MACROD2: variants seen among roughly 807,000 people sequenced by gnomAD.
MACROD2 encodes the protein ADP-ribose glycohydrolase MACROD2.
MACROD2 carries 36 observed loss-of-function variants against 70.4 expected under a neutral mutation model. That is an observed-to-expected ratio of 0.51 (90% CI 0.39 to 0.68). The LOEUF (loss-of-function observed/expected upper bound fraction) is 0.68, where lower values mean the gene tolerates loss of function less well. MACROD2 is among the 30% of genes least tolerant of loss of function. MACROD2 has a pLI of 0.00. For missense variants in MACROD2, 496 were observed against 538.4 expected (o/e 0.92, Z 0.78); for synonymous variants, 172 against 178.8 (o/e 0.96, Z 0.30).
chr20:15,076,788 A>C (rs2075661428), intron 5 of MACROD2, among the ~76,000 whole-genome samples: 1 of 152,078 alleles, frequency 6.6e-6, no homozygotes, highest in Admixed American at 6.6e-5. Context: ...ATATCCATAC[A>C]GGTTTAGGAT....
chr20:15,151,530 T>C (rs1307431713), intron 5 of MACROD2, among the ~76,000 whole-genome samples: 1 of 152,094 alleles, frequency 6.6e-6, no homozygotes, highest in Non-Finnish European at 1.5e-5. Flanking sequence ...TTTGGAGTTT[T>C]ATTTAATGTC....
chr20:14,065,495 G>C (rs2053744921), intron 2 of MACROD2, among the ~76,000 whole-genome samples: 1 of 152,164 alleles, frequency 6.6e-6, no homozygotes, highest in Non-Finnish European at 1.5e-5. Context: ...ATAGGGTATT[G>C]TGCTGGCTGG....
chr20:14,396,347 A>T (rs1203763263), intron 3 of MACROD2, among the ~76,000 whole-genome samples: 1 of 152,148 alleles, frequency 6.6e-6, no homozygotes, highest in Non-Finnish European at 1.5e-5. Context: ...TTGTGTATTT[A>T]TTCTTGTAGT....
intron 3 of MACROD2, among the ~76,000 whole-genome samples, chr20:14,355,112 T>C (rs1388096916): frequency 6.6e-6 from 1 of 152,218 alleles, no homozygotes; most frequent in Non-Finnish European, 1.5e-5. Context: ...GAATGATTTG[T>C]TTTCTTATAG....
intron 4 of MACROD2, among the ~76,000 whole-genome samples, chr20:14,616,258 A>G (rs1034951953): frequency 2.0e-5 from 3 of 152,120 alleles, no homozygotes; most frequent in Non-Finnish European, 4.4e-5. Context: ...TGAAATGACT[A>G]ATATTTGTTC....
chr20:15,671,261 C>G (rs2049975948), intron 8 of MACROD2, among the ~76,000 whole-genome samples: 1 of 152,186 alleles, frequency 6.6e-6, no homozygotes, highest in Non-Finnish European at 1.5e-5. Flanking sequence ...AGATGGCAAG[C>G]CCCAATCCTC....
chr20:15,075,122 G>A (rs1189746343), intron 5 of MACROD2, among the ~76,000 whole-genome samples: 1 of 152,150 alleles, frequency 6.6e-6, no homozygotes, highest in Non-Finnish European at 1.5e-5. Flanking sequence ...GCTAAAGCCA[G>A]TATAGTAACA....
intron 8 of MACROD2, among the ~76,000 whole-genome samples, chr20:15,593,126 C>A (rs1003191993): frequency 6.6e-6 from 1 of 152,106 alleles, no homozygotes; most frequent in African/African-American, 2.4e-5. Context: ...CTCTGACATT[C>A]TTTATCATTG....
intron 3 of MACROD2, among the ~76,000 whole-genome samples, chr20:14,312,753 T>G (rs1237756842): frequency 6.6e-6 from 1 of 152,214 alleles, no homozygotes; most frequent in Admixed American, 6.5e-5. Flanking sequence ...CATTTACCAA[T>G]TCTATAAAGT....
At chr20:15,619,038 A>G (rs2049086085) in intron 8 of MACROD2, among the ~76,000 whole-genome samples, 1 of 152,170 alleles carries the variant, frequency 6.6e-6, no homozygotes, top group Admixed American at 6.5e-5. Flanking sequence ...AGGGTGAGCC[A>G]CAAGATCACA....
At chr20:15,047,176 A>G (rs2075401162) in intron 5 of MACROD2, among the ~76,000 whole-genome samples, 2 of 152,198 alleles carry the variant, frequency 1.3e-5, no homozygotes, top group Non-Finnish European at 2.9e-5. Flanking sequence ...CTGAATTGAC[A>G]TCTGATTGAG....
intron 3 of MACROD2, among the ~76,000 whole-genome samples, chr20:14,411,670 G>C (rs1465685893): frequency 6.6e-6 from 1 of 152,070 alleles, no homozygotes; most frequent in Non-Finnish European, 1.5e-5. Flanking sequence ...ACTGGTGGCT[G>C]CTGCTCATAT....
intron 5 of MACROD2, among the ~76,000 whole-genome samples, chr20:14,923,940 A>G (rs1019987905): frequency 6.6e-6 from 1 of 152,166 alleles, no homozygotes; most frequent in Non-Finnish European, 1.5e-5. Flanking sequence ...GTGGTCATTA[A>G]AAAGTTAATT....
intron 5 of MACROD2, among the ~76,000 whole-genome samples, chr20:15,083,596 ATT>A (rs11477503): frequency 1.3e-5 from 2 of 148,476 alleles, no homozygotes; most frequent in Non-Finnish European, 1.5e-5. Context: ...ATCAACAATA[ATT>A]TTTTTTTTTT....
intron 6 of MACROD2, among the ~76,000 whole-genome samples, chr20:15,305,448 CAAAT>C (rs1330152347): frequency 6.6e-6 from 1 of 152,120 alleles, no homozygotes; most frequent in Non-Finnish European, 1.5e-5. Context: ...TTAAGGCACA[CAAAT>C]AAATGCTTAT....
At chr20:14,424,471 G>A (rs1350009739) in intron 3 of MACROD2, among the ~76,000 whole-genome samples, 2 of 152,154 alleles carry the variant, frequency 1.3e-5, no homozygotes, top group East Asian at 3.9e-4. Flanking sequence ...TAGAGTTGAA[G>A]TATATTTTTA....
At chr20:14,324,413 T>C (rs2082702626) in intron 3 of MACROD2, 1 of 152,522 alleles carries the variant, frequency 6.6e-6, no homozygotes, top group Non-Finnish European at 1.5e-5. Flanking sequence ...ATCTGGAAAA[T>C]TGTGACAGTA....
At chr20:16,049,377 G>A (rs2067427064) in intron 17 of MACROD2, among the ~76,000 whole-genome samples, 1 of 152,110 alleles carries the variant, frequency 6.6e-6, no homozygotes, top group South Asian at 2.1e-4. Context: ...CATGGGTAGT[G>A]AATAAGGCAG....
At chr20:14,642,346 A>G (rs961348553) in intron 4 of MACROD2, among the ~76,000 whole-genome samples, 3 of 152,088 alleles carry the variant, frequency 2.0e-5, no homozygotes, top group Non-Finnish European at 2.9e-5. Flanking sequence ...ATCAGCAGTA[A>G]AGGGCTGTTT....
Sources: allele counts gnomAD v4.1 joint callset (sites outside exome capture counted in the v4.1 genomes callset), GRCh38; gene constraint gnomAD v4.1.1; transcripts MANE v1.5; gene names NCBI Gene and HGNC (gene_info 2026-07-23, HGNC 2026-07-21).